Variants in ZFAT observed in about 807,000 individuals in gnomAD.
ZFAT encodes zinc finger protein ZFAT.
In ZFAT, 64 loss-of-function variants were observed where a neutral mutation model predicts 117.7. The observed-to-expected ratio is 0.54, with a 90% CI of 0.44 to 0.67. ZFAT has a LOEUF of 0.67. ZFAT is among the 30% of genes least tolerant of loss of function. The probability of loss-of-function intolerance (pLI) is 0.00; values close to 1 mark genes in which losing one functional copy is unlikely to be tolerated. For synonymous variants in ZFAT, 679 were observed against 615.0 expected, an observed-to-expected ratio of 1.10 and a Z score of -1.54; for missense variants, 1,433 against 1,584.5, an observed-to-expected ratio of 0.90 and a Z score of 1.62.
chr8:134,515,400 G>T (rs925336016), intron 13 of ZFAT, among the ~76,000 whole-genome samples: 3 of 152,152 alleles, frequency 2.0e-5, no homozygotes, highest in African/African-American at 7.2e-5. Flanking sequence ...CTTCCACGAC[G>T]GGCAAACTAA....
At chr8:134,712,623 C>CA (rs1814049244) in intron 1 of ZFAT, among the ~76,000 whole-genome samples, 1 of 138,376 alleles carries the variant, frequency 7.2e-6, no homozygotes, top group African/African-American at 2.7e-5. Context: ...TCCCGCCTTG[C>CA]TTTTTTTTTT....
At chr8:134,594,018 G>A (rs912678245) in intron 7 of ZFAT, among the ~76,000 whole-genome samples, 1 of 152,240 alleles carries the variant, frequency 6.6e-6, no homozygotes, top group African/African-American at 2.4e-5. Flanking sequence ...CAAGTTAGAA[G>A]AGAGCCAGAA....
the ZFAT span, among the ~76,000 whole-genome samples, chr8:134,817,491 G>A: frequency 6.6e-6 from 1 of 150,490 alleles, no homozygotes; most frequent in Non-Finnish European, 1.5e-5. Flanking sequence ...AGGCATATAC[G>A]AGACCAAAAT....
intron 15 of ZFAT, among the ~76,000 whole-genome samples, chr8:134,493,987 T>C (rs553201278): frequency 2.0e-5 from 3 of 152,264 alleles, no homozygotes; most frequent in East Asian, 1.9e-4. Context: ...CTCACAAATA[T>C]CTTTTGATAT....
the ZFAT span, among the ~76,000 whole-genome samples, chr8:134,726,955 A>G: frequency 6.6e-6 from 1 of 151,992 alleles, no homozygotes; most frequent in Non-Finnish European, 1.5e-5. Flanking sequence ...GGCTGTGATC[A>G]ATCATTATTT....
the ZFAT span, among the ~76,000 whole-genome samples, chr8:134,790,723 T>A: frequency 1.3e-5 from 2 of 152,188 alleles, no homozygotes; most frequent in Non-Finnish European, 2.9e-5. Context: ...TGTTTTAAAA[T>A]TTTCCTTCAG....
intron 10 of ZFAT, among the ~76,000 whole-genome samples, chr8:134,574,427 G>T (rs1233705614): frequency 6.6e-6 from 1 of 151,824 alleles, no homozygotes; most frequent in Non-Finnish European, 1.5e-5. Context: ...GGCACCTGTT[G>T]TTCCCTTTGT....
chr8:134,581,802 T>C (rs1159055530), intron 10 of ZFAT, among the ~76,000 whole-genome samples: 1 of 152,136 alleles, frequency 6.6e-6, no homozygotes, highest in Non-Finnish European at 1.5e-5. Context: ...CCCAGGCTGG[T>C]CTCAAACTCC....
intron 3 of ZFAT, among the ~76,000 whole-genome samples, chr8:134,636,754 C>T (rs1487344292): frequency 1.3e-5 from 2 of 152,214 alleles, no homozygotes; most frequent in Non-Finnish European, 2.9e-5. Flanking sequence ...CTATTTCATT[C>T]CTCCGACGAA....
At chr8:134,533,253 T>C (rs1225335925) in intron 11 of ZFAT, among the ~76,000 whole-genome samples, 1 of 152,230 alleles carries the variant, frequency 6.6e-6, no homozygotes, top group Non-Finnish European at 1.5e-5. Flanking sequence ...CCTCAGAATT[T>C]AGTTTTTGTT....
intron 2 of ZFAT, among the ~76,000 whole-genome samples, chr8:134,639,078 T>C (rs1222334758): frequency 1.3e-5 from 2 of 152,196 alleles, no homozygotes; most frequent in Non-Finnish European, 1.5e-5. Flanking sequence ...CCACTTTATC[T>C]ACTGCTATTA....
the ZFAT span, among the ~76,000 whole-genome samples, chr8:134,769,872 A>G: frequency 1.3e-5 from 2 of 152,226 alleles, no homozygotes; most frequent in Non-Finnish European, 2.9e-5. Flanking sequence ...GCCATGTGGA[A>G]GCTGCCAAAC....
At chr8:134,693,598 T>C (rs1251924997) in intron 1 of ZFAT, among the ~76,000 whole-genome samples, 1 of 151,570 alleles carries the variant, frequency 6.6e-6, no homozygotes, top group Non-Finnish European at 1.5e-5. Flanking sequence ...CATACAATTT[T>C]TGTTAATTAT....
intron 11 of ZFAT, among the ~76,000 whole-genome samples, chr8:134,533,840 T>C (rs574451534): frequency 3.9e-4 from 60 of 152,310 alleles, no homozygotes; most frequent in Non-Finnish European, 7.4e-4. Context: ...GACCTGGCCT[T>C]TGGCTGGTCG....
At chr8:134,631,827 G>A (rs1429071718) in intron 3 of ZFAT, among the ~76,000 whole-genome samples, 1 of 152,170 alleles carries the variant, frequency 6.6e-6, no homozygotes, top group Non-Finnish European at 1.5e-5. Flanking sequence ...GCCACTGGGG[G>A]AGACCAGATG....
chr8:134,550,759 T>C (rs1234274063), intron 11 of ZFAT, among the ~76,000 whole-genome samples: 3 of 152,228 alleles, frequency 2.0e-5, no homozygotes, highest in African/African-American at 7.2e-5. Context: ...AAGAGGTTTT[T>C]AGCAGAGACT....
intron 13 of ZFAT, among the ~76,000 whole-genome samples, chr8:134,514,057 C>CT (rs1416726764): frequency 1.2e-4 from 18 of 152,240 alleles, no homozygotes; most frequent in Non-Finnish European, 1.5e-5. Flanking sequence ...GTCATAGTTG[C>CT]TGTCAGGAAG....
intron 11 of ZFAT, among the ~76,000 whole-genome samples, chr8:134,561,230 G>A (rs1174530429): frequency 6.6e-6 from 1 of 152,180 alleles, no homozygotes; most frequent in Non-Finnish European, 1.5e-5. Context: ...ATTAAAACTA[G>A]TTTATAAATA....
At chr8:134,798,774 C>T in the ZFAT span, among the ~76,000 whole-genome samples, 2 of 152,026 alleles carry the variant, frequency 1.3e-5, no homozygotes, top group Non-Finnish European at 2.9e-5. Flanking sequence ...GGAATTTAAC[C>T]TACAGGCTAT....
Sources: allele counts gnomAD v4.1 joint callset (sites outside exome capture counted in the v4.1 genomes callset), GRCh38; gene constraint gnomAD v4.1.1; transcripts MANE v1.5; gene names NCBI Gene and HGNC (gene_info 2026-07-23, HGNC 2026-07-21).